Variants in GBE1 observed in about 807,000 individuals in gnomAD.
The protein encoded by GBE1 is 1,4-alpha-glucan-branching enzyme.
A neutral mutation model predicts 88.8 loss-of-function variants in GBE1; 70 were observed. The ratio of observed to expected loss-of-function variants is 0.79; its 90% CI spans 0.65 to 0.96. The LOEUF is 0.96. Ranked by LOEUF, GBE1 falls within the 40% of genes least tolerant of loss-of-function variation. The pLI, the probability that GBE1 is intolerant of heterozygous loss-of-function variation, is 0.00. For synonymous variants in GBE1, 284 were observed against 300.1 expected (o/e 0.95, Z 0.56); for missense variants, 872 against 871.0 (o/e 1.00, Z -0.01).
chr3:81,597,933 T>A (rs1703981533), intron 7 of GBE1, among the ~76,000 whole-genome samples: 1 of 151,956 alleles, frequency 6.6e-6, no homozygotes, highest in Non-Finnish European at 1.5e-5. Context: ...ATATTAAGGT[T>A]TTTAGGAAAT....
intron 7 of GBE1, among the ~76,000 whole-genome samples, chr3:81,638,526 T>C (rs1467988456): frequency 3.9e-5 from 6 of 152,142 alleles, no homozygotes; most frequent in Non-Finnish European, 8.8e-5. Context: ...ACCACTACAT[T>C]ATATTCATTA....
intron 1 of GBE1, among the ~76,000 whole-genome samples, chr3:81,707,820 T>C (rs1705800131): frequency 6.6e-6 from 1 of 152,094 alleles, no homozygotes; most frequent in South Asian, 2.1e-4. Flanking sequence ...TTGTTTAAAG[T>C]TAACAGACAT....
intron 1 of GBE1, among the ~76,000 whole-genome samples, chr3:81,717,860 C>T (rs995450400): frequency 6.6e-6 from 1 of 151,948 alleles, no homozygotes; most frequent in African/African-American, 2.4e-5. Flanking sequence ...ACATATTTTA[C>T]CATGTACAAG....
At chr3:81,623,533 GTCTTA>G (rs1444796449) in intron 7 of GBE1, among the ~76,000 whole-genome samples, 1 of 152,202 alleles carries the variant, frequency 6.6e-6, no homozygotes, top group Non-Finnish European at 1.5e-5. Context: ...GAGGGTTGGT[GTCTTA>G]TCTGTTTTCT....
chr3:81,746,602 A>G (rs769529655), intron 1 of GBE1, among the ~76,000 whole-genome samples: 15 of 152,186 alleles, frequency 9.9e-5, no homozygotes, highest in Non-Finnish European at 2.1e-4. Flanking sequence ...AATTAAAATG[A>G]TAAGTCAAAT....
chr3:81,650,633 T>C (rs1315112285), intron 3 of GBE1, among the ~76,000 whole-genome samples: 1 of 152,184 alleles, frequency 6.6e-6, no homozygotes, highest in Admixed American at 6.5e-5. Flanking sequence ...GCCATATAAA[T>C]GGAACTTCCA....
rs1198816837 is a variant in GBE1, at chr3:81,642,851, A to T, written c.922T>A (p.Ser308Thr). The change falls in exon 7 of 16, where the codon TCC becomes ACC. Residue 308 changes from serine (S) to threonine (T), a missense_variant. Coordinates refer to ENST00000429644, the MANE Select transcript of GBE1 (RefSeq NM_000158.4). ...CTAGGTCCAGAATGAAAATAACAGG[A>T]ATCTGTCCCATCAAACATATTCAAT... is the stretch of plus-strand genomic sequence containing the variant. ...DGLNMFDGTD[S>T]CYFHSGPRGT... 1.2e-6 allele frequency: 2 copies of T among 1,613,322 alleles called. No individual in the cohort carries two copies. The highest frequency in any genetic ancestry group is 1.7e-6 in the Non-Finnish European group (2 of 1,179,490).
At chr3:81,610,520 G>C (rs1332000408) in intron 7 of GBE1, among the ~76,000 whole-genome samples, 1 of 152,074 alleles carries the variant, frequency 6.6e-6, no homozygotes, top group African/African-American at 2.4e-5. Context: ...ACAGGAAAAA[G>C]AACACCATTT....
At chr3:81,525,555 T>A (rs1041264206) in intron 14 of GBE1, among the ~76,000 whole-genome samples, 2 of 152,124 alleles carry the variant, frequency 1.3e-5, no homozygotes, top group African/African-American at 2.4e-5. Context: ...ATAAAATGAG[T>A]TAGGGAGGAT....
intron 7 of GBE1, among the ~76,000 whole-genome samples, chr3:81,610,442 T>A (rs766480355): frequency 6.6e-6 from 1 of 152,046 alleles, no homozygotes; most frequent in Admixed American, 6.6e-5. Context: ...AAGGTCTACA[T>A]TTGTTTCTCA....
intron 14 of GBE1, among the ~76,000 whole-genome samples, chr3:81,506,414 C>T (rs820271): frequency 0.35 from 52,391 of 151,834 alleles, 10,909 homozygotes; most frequent in South Asian, 0.55. Flanking sequence ...CAGATGCTGG[C>T]GAGATTGTGG....
chr3:81,633,912 T>C (rs1704553524), intron 7 of GBE1, among the ~76,000 whole-genome samples: 1 of 152,150 alleles, frequency 6.6e-6, no homozygotes, highest in African/African-American at 2.4e-5. Flanking sequence ...GTATGCACAG[T>C]GAATGAACAT....
At chr3:81,618,519 C>A (rs528130329) in intron 7 of GBE1, among the ~76,000 whole-genome samples, 1 of 152,022 alleles carries the variant, frequency 6.6e-6, no homozygotes, top group Non-Finnish European at 1.5e-5. Context: ...GGATCATTTT[C>A]GTGTTAATTT....
intron 3 of GBE1, among the ~76,000 whole-genome samples, chr3:81,657,856 A>G (rs143969042): frequency 6.6e-6 from 1 of 152,310 alleles, no homozygotes; most frequent in Admixed American, 6.5e-5. Context: ...CATCCTTGTG[A>G]GGCTCTTTAC....
rs959611519 is a variant in GBE1 at position 81,719,033 on chromosome 3, A to G, written c.144-13420T>C. Among the ~76,000 whole-genome samples the G allele has an allele frequency of 4.6e-5, 7 of 152,296 alleles. No individual in the cohort carries two copies. The East Asian group carries it at 1.2e-3, about 25-fold the overall frequency. ...ACTTAGCATGTCTTAAATAATTTTA[A>G]TAAGTTGAACCATTGAAGAAAAAAA... On this transcript the variant is annotated intron_variant, in intron 1 of 15. Coordinates refer to ENST00000429644, the MANE Select transcript of GBE1 (RefSeq NM_000158.4).
chr3:81,571,828 T>C (rs1052680081), intron 12 of GBE1, among the ~76,000 whole-genome samples: 1 of 152,310 alleles, frequency 6.6e-6, no homozygotes, highest in Admixed American at 6.5e-5. Flanking sequence ...AAAACAACTT[T>C]TTTTAAAACA....
At chr3:81,640,085 A>G (rs1291579138) in intron 7 of GBE1, among the ~76,000 whole-genome samples, 1 of 152,212 alleles carries the variant, frequency 6.6e-6, no homozygotes, top group African/African-American at 2.4e-5. Flanking sequence ...GAATTTATAT[A>G]CACTGGCTTT....
intron 2 of GBE1, among the ~76,000 whole-genome samples, chr3:81,702,102 AGTGTGTGTGTGTGTGTGTGTGTGTGTGT>A (rs571028865): frequency 1.7e-5 from 2 of 115,408 alleles, no homozygotes; most frequent in African/African-American, 5.8e-5. Context: ...AGAGAGAGAG[AGTGTGTGTGTGTGTGTGTGTGTGTGTGT>A]GTGTGTGTGT....
At chr3:81,750,659 GTA>G (rs1553696645) in intron 1 of GBE1, among the ~76,000 whole-genome samples, 10 of 35,294 alleles carry the variant, frequency 2.8e-4, no homozygotes, top group Admixed American at 7.9e-4. Flanking sequence ...ATATATATAT[GTA>G]TATATATATA....
Sources: allele counts gnomAD v4.1 joint callset (sites outside exome capture counted in the v4.1 genomes callset), GRCh38; gene constraint gnomAD v4.1.1; transcripts MANE v1.5; gene names NCBI Gene and HGNC (gene_info 2026-07-23, HGNC 2026-07-21).